CTNNA3: variants seen among roughly 807,000 people sequenced by gnomAD.
CTNNA3 encodes the protein catenin alpha-3.
Under a neutral mutation model 95.7 loss-of-function variants are expected in CTNNA3, and 76 were observed. The observed-to-expected ratio is 0.79, with a 90% CI of 0.66 to 0.96. CTNNA3 has a LOEUF of 0.96. CTNNA3 is among the 40% of genes least tolerant of loss of function. CTNNA3 has a pLI of 0.00. For missense variants in CTNNA3, 1,191 were observed against 1,089.8 expected, an observed-to-expected ratio of 1.09 and a Z score of -1.31; for synonymous variants, 431 against 374.4, an observed-to-expected ratio of 1.15 and a Z score of -1.74.
chr10:66,036,869 T>A (rs1308111289), intron 15 of CTNNA3, among the ~76,000 whole-genome samples: 1 of 131,914 alleles, frequency 7.6e-6, no homozygotes, highest in East Asian at 2.2e-4. Flanking sequence ...CCAATTTTTT[T>A]TTTTTTTTTT....
At chr10:67,464,530 G>C (rs1323278602) in intron 5 of CTNNA3, among the ~76,000 whole-genome samples, 1 of 152,102 alleles carries the variant, frequency 6.6e-6, no homozygotes, top group East Asian at 1.9e-4. Flanking sequence ...TATGTTTCTT[G>C]AAAGTAGTGG....
At chr10:67,668,072 G>T (rs1255785477) in intron 1 of CTNNA3, among the ~76,000 whole-genome samples, 1 of 151,958 alleles carries the variant, frequency 6.6e-6, no homozygotes, top group Non-Finnish European at 1.5e-5. Context: ...TCTGAGTTTG[G>T]TACCTGACAC....
At position 67,571,037 on chromosome 10, in the gene CTNNA3, G is replaced by A. The variant is rs1002996566; in HGVS notation, c.293-31368C>T. Among the ~76,000 whole-genome samples, 23 of 152,150 alleles carry A rather than the reference G, an allele frequency of 1.5e-4. 1 individual carries two copies. Among genetic ancestry groups the A allele is most frequent in the Non-Finnish European group, 1.3e-4 (9 of 68,016 alleles). ...TTTAGTCAAACAGTAACAGGACTAA[G>A]TCTATGTTTTAGGAAGATTTATCTG... On this transcript the variant is annotated intron_variant, in intron 3 of 17. Coordinates refer to ENST00000433211, the MANE Select transcript of CTNNA3 (RefSeq NM_013266.4).
intron 12 of CTNNA3, among the ~76,000 whole-genome samples, chr10:66,293,147 TA>T (rs1189591020): frequency 6.6e-6 from 1 of 152,178 alleles, no homozygotes; most frequent in Non-Finnish European, 1.5e-5. Context: ...AAAATACTTC[TA>T]AAAATGAAGA....
chr10:66,853,997 G>C (rs750120578), intron 7 of CTNNA3, among the ~76,000 whole-genome samples: 16 of 152,134 alleles, frequency 1.1e-4, no homozygotes, highest in Admixed American at 5.9e-4. Context: ...TTGCGATTAT[G>C]CTATCATCCC....
chr10:67,120,095 C>G (rs904465362), intron 7 of CTNNA3, among the ~76,000 whole-genome samples: 2 of 151,822 alleles, frequency 1.3e-5, no homozygotes, highest in African/African-American at 4.8e-5. Context: ...GAATTTTGTG[C>G]TGAATTACAA....
chr10:66,934,975 C>T lies in CTNNA3; in HGVS notation c.1048-159451G>A, dbSNP rs527667884. Among the ~76,000 whole-genome samples, 10 of 152,184 alleles carry T rather than the reference C, an allele frequency of 6.6e-5. No individual in the cohort carries two copies. In the South Asian group the frequency reaches 2.1e-3, roughly 32 times the overall value. On this transcript the variant is annotated intron_variant, in intron 7 of 17. Coordinates refer to ENST00000433211, the MANE Select transcript of CTNNA3 (RefSeq NM_013266.4). Reference sequence around the variant, plus strand: ...GGAGCAGAATGAAAATGTCATCAGACAGTGAAGCTACAGTATCATGAGGCT... The same window carrying T: ...GGAGCAGAATGAAAATGTCATCAGATAGTGAAGCTACAGTATCATGAGGCT...
chr10:67,717,043 G>A (rs919928514), intron 1 of CTNNA3, among the ~76,000 whole-genome samples: 8 of 152,206 alleles, frequency 5.3e-5, no homozygotes, highest in East Asian at 1.9e-4. Context: ...ATCTCATCAT[G>A]GTTCTTATTT....
At chr10:67,011,379 A>C (rs529751660) in intron 7 of CTNNA3, among the ~76,000 whole-genome samples, 1 of 151,948 alleles carries the variant, frequency 6.6e-6, no homozygotes, top group South Asian at 2.1e-4. Context: ...TGTTTTTAAT[A>C]ATAAACTATT....
chr10:67,116,718 GAA>G (rs1458111403), intron 7 of CTNNA3, among the ~76,000 whole-genome samples: 1 of 90,470 alleles, frequency 1.1e-5, no homozygotes. Flanking sequence ...AGTCAGTTTT[GAA>G]AATATATATA....
chr10:66,564,926 G>A (rs1842660223), intron 10 of CTNNA3, among the ~76,000 whole-genome samples: 1 of 152,128 alleles, frequency 6.6e-6, no homozygotes, highest in African/African-American at 2.4e-5. Context: ...GCTAGTAAAA[G>A]TCAGAAATAG....
chr10:67,398,831 T>C (rs1844811701), intron 5 of CTNNA3, among the ~76,000 whole-genome samples: 1 of 152,110 alleles, frequency 6.6e-6, no homozygotes, highest in South Asian at 2.1e-4. Context: ...TTTCCCCCTT[T>C]TGCTTGGCAC....
intron 2 of CTNNA3, among the ~76,000 whole-genome samples, chr10:67,643,631 T>A (rs1243352900): frequency 6.6e-6 from 1 of 151,830 alleles, no homozygotes; most frequent in African/African-American, 2.4e-5. Context: ...GTTTGCTGCA[T>A]CCATCAACCC....
intron 5 of CTNNA3, among the ~76,000 whole-genome samples, chr10:67,390,018 C>A (rs1844386821): frequency 6.6e-6 from 1 of 151,886 alleles, no homozygotes; most frequent in Non-Finnish European, 1.5e-5. Flanking sequence ...CAAGAGCAAA[C>A]ACACTCAAAA....
intron 10 of CTNNA3, among the ~76,000 whole-genome samples, chr10:66,525,493 C>T (rs1241484753): frequency 6.6e-6 from 1 of 152,014 alleles, no homozygotes; most frequent in Non-Finnish European, 1.5e-5. Flanking sequence ...CTCTTAATTG[C>T]CACACTGTAC....
At position 67,235,693 on chromosome 10, in the gene CTNNA3, A is replaced by G. The variant is rs931165387; in HGVS notation, c.580-15823T>C. On this transcript the variant is annotated intron_variant, in intron 5 of 17. Transcript: ENST00000433211. Reference sequence around the variant, plus strand: ...TCTAATTAAACTAAAGAGCTTCTGCACAGCAAAAGAAACTACCATCAGAGT... The same window carrying G: ...TCTAATTAAACTAAAGAGCTTCTGCGCAGCAAAAGAAACTACCATCAGAGT... 2.4e-4 allele frequency among the ~76,000 whole-genome samples: 34 copies of G among 143,422 alleles called. 2 individuals carry two copies. Among genetic ancestry groups the G allele is most frequent in the Middle Eastern group, 3.5e-3 (1 of 288 alleles). 94.1% of individuals were successfully genotyped at this position (143,422 alleles called of 152,430 possible).
chr10:66,971,840 C>T (rs990070511), intron 7 of CTNNA3, among the ~76,000 whole-genome samples: 1 of 151,892 alleles, frequency 6.6e-6, no homozygotes, highest in African/African-American at 2.4e-5. Context: ...AGGTTCTTCT[C>T]TTTAATATTT....
chr10:66,651,502 G>A (rs933934844), intron 9 of CTNNA3, among the ~76,000 whole-genome samples: 5 of 152,040 alleles, frequency 3.3e-5, no homozygotes, highest in Non-Finnish European at 5.9e-5. Flanking sequence ...ACTGGGCGCC[G>A]CAGAGAAGGG....
At chr10:67,135,331 G>A (rs1860237798) in intron 7 of CTNNA3, among the ~76,000 whole-genome samples, 1 of 152,030 alleles carries the variant, frequency 6.6e-6, no homozygotes, top group East Asian at 1.9e-4. Context: ...CACAATGAGA[G>A]TAAATCTTTT....
Sources: allele counts gnomAD v4.1 joint callset (sites outside exome capture counted in the v4.1 genomes callset), GRCh38; gene constraint gnomAD v4.1.1; transcripts MANE v1.5; gene names NCBI Gene and HGNC (gene_info 2026-07-23, HGNC 2026-07-21).